The following SFXN5 variants were observed in gnomAD, a reference collection of about 807,000 sequenced individuals.
SFXN5 encodes the protein sideroflexin 5, also known as sideroflexin-5.
Under a neutral mutation model 50.2 loss-of-function variants are expected in SFXN5, and 43 were observed. The observed-to-expected ratio is 0.86, with a 90% CI of 0.67 to 1.11. SFXN5 has a LOEUF of 1.11. Ranked by LOEUF, SFXN5 falls within the 50% of genes least tolerant of loss-of-function variation. The pLI is 0.00. For synonymous variants in SFXN5, 203 were observed against 185.8 expected (o/e 1.09, Z -0.75); for missense variants, 463 against 454.1 (o/e 1.02, Z -0.18).
At chr2:73,055,117 G>C (rs547700260) in intron 2 of SFXN5, among the ~76,000 whole-genome samples, 1 of 152,388 alleles carries the variant, frequency 6.6e-6, no homozygotes, top group South Asian at 2.1e-4. Flanking sequence ...TTCTCTCCCA[G>C]AGCTGGTCAA....
At position 72,961,293 on chromosome 2, in the gene SFXN5, G is replaced by T; in HGVS notation, c.828-45C>A. The T allele has an allele frequency of 7.2e-7, 1 of 1,388,478 alleles. No homozygotes were observed. Among genetic ancestry groups the T allele is most frequent in the Non-Finnish European group, 9.5e-7 (1 of 1,049,236 alleles). The allele number at this position is 1,388,478 out of a possible 1,614,324, so 86.0% of individuals were successfully genotyped here. On this transcript the variant is annotated intron_variant, in intron 12 of 13. Coordinates refer to ENST00000272433, the MANE Select transcript of SFXN5 (RefSeq NM_144579.3). This position sits in a 1 kb window ranked among gnomAD's most constrained non-coding sequence, Gnocchi z 4.4. ...GAGCCCCATGAGACCCGAAGGTGGG[G>T]TGGGCTGGCTGCCAGCCACCATGCT...
intron 3 of SFXN5, among the ~76,000 whole-genome samples, chr2:73,036,702 C>T (rs1195775646): frequency 6.6e-6 from 1 of 151,812 alleles, no homozygotes; most frequent in African/African-American, 2.4e-5. Flanking sequence ...AAGGGCAGAG[C>T]GGAGCCTGGG....
chr2:72,957,293 C>T (rs992980566), intron 13 of SFXN5, among the ~76,000 whole-genome samples: 4 of 152,212 alleles, frequency 2.6e-5, no homozygotes, highest in African/African-American at 9.7e-5. Flanking sequence ...TCCCAGCATG[C>T]TGCCTGGTCC....
At chr2:73,028,105 C>T (rs1559173549) in intron 3 of SFXN5, among the ~76,000 whole-genome samples, 1 of 152,158 alleles carries the variant, frequency 6.6e-6, no homozygotes, top group Non-Finnish European at 1.5e-5. Flanking sequence ...TAGGCTATAC[C>T]ATACAGCCTA....
At chr2:72,954,855 C>T (rs1376073844) in intron 13 of SFXN5, among the ~76,000 whole-genome samples, 6 of 152,236 alleles carry the variant, frequency 3.9e-5, no homozygotes, top group African/African-American at 1.4e-4. Flanking sequence ...CTGTCTAGCA[C>T]CAGGGCCCTG....
chr2:73,015,944 A>G (rs1230043830), intron 6 of SFXN5, among the ~76,000 whole-genome samples: 1 of 151,098 alleles, frequency 6.6e-6, no homozygotes, highest in Admixed American at 6.6e-5. Flanking sequence ...TCTCCAAAAA[A>G]GAAAAAAAAA....
intron 3 of SFXN5, among the ~76,000 whole-genome samples, chr2:73,030,314 C>T (rs1280629446): frequency 2.0e-5 from 3 of 152,010 alleles, no homozygotes; most frequent in African/African-American, 7.3e-5. Context: ...AGAAAGCAGT[C>T]TTATTCTTCC....
intron 13 of SFXN5, among the ~76,000 whole-genome samples, chr2:72,958,531 G>T (rs189791364): frequency 0.01 from 1,564 of 152,268 alleles, 14 homozygotes; most frequent in Non-Finnish European, 0.014. Flanking sequence ...CCTTCTCTGT[G>T]CAGGCAGGTG....
At chr2:72,989,085 G>A (rs1427133894) in intron 9 of SFXN5, among the ~76,000 whole-genome samples, 1 of 152,182 alleles carries the variant, frequency 6.6e-6, no homozygotes, top group East Asian at 1.9e-4. Flanking sequence ...CAACGTGTCT[G>A]AGAAAGTGTC....
chr2:73,049,420 T>G (rs533611527), intron 2 of SFXN5: 1 of 152,202 alleles, frequency 6.6e-6, no homozygotes, highest in Non-Finnish European at 1.5e-5. Flanking sequence ...CCCAGCTAAT[T>G]TTTGAAAAAT....
intron 6 of SFXN5, among the ~76,000 whole-genome samples, chr2:73,013,526 G>A (rs572878926): frequency 1.2e-3 from 177 of 151,008 alleles, no homozygotes; most frequent in African/African-American, 3.8e-3. Context: ...TAAGACAACC[G>A]CAAGAAATGC....
rs1682396126 is a variant in SFXN5 at position 73,058,346 on chromosome 2, G to A, written c.171+182C>T. The A allele has an allele frequency of 7.0e-6, 4 of 571,966 alleles. No homozygotes were observed. In the South Asian group the frequency reaches 8.8e-5, roughly 13 times the overall value. The allele number at this position is 571,966 out of a possible 1,614,324, so 35.4% of individuals were successfully genotyped here. Reference sequence around the variant, plus strand: ...AGCACAATGTATCAACTCAGATACAGACAGACACACAGATACATAAACAGA... The same window carrying A: ...AGCACAATGTATCAACTCAGATACAAACAGACACACAGATACATAAACAGA... On this transcript the variant is annotated intron_variant, in intron 2 of 13. Coordinates refer to ENST00000272433, the MANE Select transcript of SFXN5 (RefSeq NM_144579.3).
chr2:72,968,949 C>T (rs1471268278), intron 11 of SFXN5, among the ~76,000 whole-genome samples: 1 of 151,660 alleles, frequency 6.6e-6, no homozygotes, highest in Admixed American at 6.6e-5. Flanking sequence ...ATTACAGGTG[C>T]GCACCACCAT....
At position 73,032,082 on chromosome 2, in the gene SFXN5, A is replaced by T. The variant is rs577249746; in HGVS notation, c.249+8772T>A. On this transcript the variant is annotated intron_variant, in intron 3 of 13. Coordinates refer to ENST00000272433, the MANE Select transcript of SFXN5 (RefSeq NM_144579.3). ...TCAGATGCAAAAATGGCAGCAGGTAATGTACCACCCACAAGCCAAGAGCTG... is the reference window on the plus strand; with the variant it reads ...TCAGATGCAAAAATGGCAGCAGGTATTGTACCACCCACAAGCCAAGAGCTG... Among the ~76,000 whole-genome samples the T allele has an allele frequency of 4.8e-4, 73 of 152,282 alleles. 2 individuals are homozygous for T. The highest frequency in any genetic ancestry group is 1.7e-3 in the African/African-American group (70 of 41,534).
At chr2:72,964,572 C>A (rs1001792709) in intron 12 of SFXN5, among the ~76,000 whole-genome samples, 3 of 152,212 alleles carry the variant, frequency 2.0e-5, no homozygotes, top group African/African-American at 7.2e-5. Flanking sequence ...CCTACCAGAG[C>A]CTCAGCTCAC....
chr2:72,969,698 T>C (rs1478319404), intron 11 of SFXN5, among the ~76,000 whole-genome samples: 1 of 92,358 alleles, frequency 1.1e-5, no homozygotes, highest in Non-Finnish European at 2.1e-5. Context: ...CCCGGCCTAC[T>C]TTTTTTTTTT....
At chr2:72,974,193 G>A (rs148292245) in intron 10 of SFXN5, among the ~76,000 whole-genome samples, 2 of 152,280 alleles carry the variant, frequency 1.3e-5, no homozygotes, top group East Asian at 3.9e-4. Context: ...AGGGGAAAGT[G>A]GGGACAGCTG....
chr2:73,045,931 G>T (rs1317430885), intron 2 of SFXN5, among the ~76,000 whole-genome samples: 1 of 152,168 alleles, frequency 6.6e-6, no homozygotes, highest in African/African-American at 2.4e-5. Context: ...GGGACACGTC[G>T]CTTTCCCTGC....
At position 72,969,054 on chromosome 2, in the gene SFXN5, C is replaced by T. The variant is rs146371511; in HGVS notation, c.742-521G>A. On this transcript the variant is annotated intron_variant, in intron 11 of 13. Transcript: ENST00000272433. Reference sequence around the variant, plus strand: ...AACTCCTGACCTCAGGTGATCCGCCCGCCTCAGCATCCCAAAGTACTGGGA... The same window carrying T: ...AACTCCTGACCTCAGGTGATCCGCCTGCCTCAGCATCCCAAAGTACTGGGA... Among the ~76,000 whole-genome samples, 496 of 152,174 alleles carry T rather than the reference C, an allele frequency of 3.3e-3. 1 individual carries two copies. The highest frequency in any genetic ancestry group is 0.011 in the African/African-American group (460 of 41,500).
Sources: allele counts gnomAD v4.1 joint callset (sites outside exome capture counted in the v4.1 genomes callset), GRCh38; gene constraint gnomAD v4.1.1; non-coding constraint Gnocchi (gnomAD v3.1); transcripts MANE v1.5; gene names NCBI Gene and HGNC (gene_info 2026-07-23, HGNC 2026-07-21).